Variants in LCT observed in about 807,000 individuals in gnomAD.
The protein encoded by LCT is lactase, also known as lactase/phlorizin hydrolase.
In LCT, 90 loss-of-function variants were observed where a neutral mutation model predicts 173.0. That is an observed-to-expected ratio of 0.52 (90% confidence interval 0.44 to 0.62). The LOEUF is 0.62. LCT is among the 20% of genes least tolerant of loss of function. The pLI, the probability that LCT is intolerant of heterozygous loss-of-function variation, is 0.00. For missense variants in LCT, 1,864 were observed against 2,431.4 expected, an observed-to-expected ratio of 0.77 and a Z score of 4.91; for synonymous variants, 853 against 957.6, an observed-to-expected ratio of 0.89 and a Z score of 2.02.
intron 10 of LCT, among the ~76,000 whole-genome samples, 179 bp downstream of exon 10, chr2:135,804,588 A>G (rs1446351530): frequency 1.3e-5 from 2 of 152,212 alleles, no homozygotes; most frequent in Non-Finnish European, 2.9e-5. Flanking sequence ...AGGCTGAGAA[A>G]CGAGATCCGC....
intron 11 of LCT, among the ~76,000 whole-genome samples, chr2:135,802,796 G>T (rs572043755): frequency 6.6e-6 from 1 of 152,254 alleles, no homozygotes; most frequent in Admixed American, 6.5e-5. Flanking sequence ...GTGATGTGTG[G>T]CACTGTAGAG....
At position 135,836,918 on chromosome 2, in the gene LCT, G is replaced by T; in HGVS notation, c.252C>A (p.Ile84=). Residue 84 remains isoleucine, a synonymous_variant, in exon 1 of 17, where the codon ATC becomes ATA. Transcript: ENST00000264162. ...ATGACAGAAATACCTTATAATGGGTGATCTGACTGGCATGGAGACTGCTGA... is the reference window on the plus strand; with the variant it reads ...ATGACAGAAATACCTTATAATGGGTTATCTGACTGGCATGGAGACTGCTGA... ...EYFSSLHASQ[I]THYKVFLSWA... The T allele has an allele frequency of 6.2e-7, 1 of 1,614,178 alleles. No individual in the cohort carries two copies. The highest frequency in any genetic ancestry group is 8.5e-7 in the Non-Finnish European group (1 of 1,180,030).
In LCT at chr2:135,836,710, A is replaced by G. The variant is rs1259199301; in HGVS notation, c.460T>C (p.Tyr154His). 2 of 1,614,228 alleles carry G rather than the reference A, an allele frequency of 1.2e-6. No individual in the cohort carries two copies. Among genetic ancestry groups the G allele is most frequent in the South Asian group, 2.2e-5 (2 of 91,080 alleles). ...AAGGAGTGGAAGGCGAATGTGGCAT[A>G]GTCGGCGAAGAGGTCAGCAAAGGCT... is the stretch of plus-strand genomic sequence containing the variant. ...TEAFADLFAD[Y>H]ATFAFHSFGD... The change falls in exon 1 of 17, where the codon TAT (tyrosine) becomes CAT (histidine). Residue 154 changes from tyrosine (Y) to histidine (H), a missense_variant. Coordinates refer to ENST00000264162, the MANE Select transcript of LCT (RefSeq NM_002299.4).
At chr2:135,825,154 G>A (rs2077875556) in intron 3 of LCT, among the ~76,000 whole-genome samples, 1 of 151,938 alleles carries the variant, frequency 6.6e-6, no homozygotes, top group Non-Finnish European at 1.5e-5. Context: ...CTTTTTTGCG[G>A]GGCTTGGAGT....
rs759110561 is a variant in LCT at position 135,812,709 on chromosome 2, A to T, written c.1955T>A (p.Met652Lys). The T allele has an allele frequency of 5.6e-6, 9 of 1,614,198 alleles. No homozygotes were observed. The highest frequency in any genetic ancestry group is 7.6e-6 in the Non-Finnish European group (9 of 1,180,038). ...PATLRTQIQQ[M>K]NRQCSHPVAQ... ...CACAGGATGGGAGCACTGTCTGTTC[A>T]TCTGTTGGATCTGGGTCCTCAGGGT... Residue 652 changes from methionine (M) to lysine (K), a missense_variant, in exon 7 of 17, where the codon ATG (methionine) becomes AAG (lysine). By Grantham distance (95) the Met-to-Lys change is moderately conservative. Transcript: ENST00000264162.
chr2:135,803,111 C>CA (rs946588493), intron 11 of LCT, among the ~76,000 whole-genome samples: 9 of 151,276 alleles, frequency 5.9e-5, no homozygotes, highest in East Asian at 1.9e-4. Context: ...GACTCTGTCT[C>CA]AAAAAAATAA....
intron 1 of LCT, among the ~76,000 whole-genome samples, chr2:135,835,976 GTATATATA>G (rs745860913): frequency 2.5e-4 from 20 of 80,480 alleles, no homozygotes; most frequent in Admixed American, 1.6e-4. Flanking sequence ...ATACATGTGT[GTATATATA>G]TATATATATA....
chr2:135,836,429 G>T, intron 1 of LCT, 101 bp downstream of exon 1: 1 of 1,060,188 alleles, frequency 9.4e-7, no homozygotes, highest in Non-Finnish European at 1.5e-6. Flanking sequence ...GAGGACTGCT[G>T]AAGGTGAGTT....
Position 135,809,226 on chromosome 2 carries a change from A to C in LCT, c.3121T>G (p.Leu1041Val), listed in dbSNP as rs1380323630. 3.1e-6 allele frequency: 5 copies of C among 1,614,122 alleles called. No homozygotes were observed. The highest frequency in any genetic ancestry group is 4.2e-6 in the Non-Finnish European group (5 of 1,180,050). Residue 1041 changes from leucine to valine, a missense_variant, in exon 8 of 17, where the codon TTG (leucine) becomes GTG (valine). Around this residue, in one of 4 missense-constraint regions of LCT, gnomAD observed 755 missense variants for 926.3 expected, o/e 0.82. Transcript: ENST00000264162. The surrounding 1 kb of genome is among the most constrained non-coding windows in gnomAD (Gnocchi z 5.5). ...CAAAAGTCTGCGTAGCTGTCAAACA[A>C]GTCAATCAAGGCAGGATTCTCCCAG... ...GGWENPALID[L>V]FDSYADFCFQ...
At position 135,787,948 on chromosome 2, in the gene LCT, T is replaced by G; in HGVS notation, c.*376A>C. The G allele has an allele frequency of 3.4e-6, 1 of 292,578 alleles. No homozygotes were observed. The highest frequency in any genetic ancestry group is 8.7e-5 in the East Asian group (1 of 11,546). The allele number at this position is 292,578 out of a possible 1,614,324, so 18.1% of individuals were successfully genotyped here. On this transcript the variant is annotated 3_prime_UTR_variant, in exon 17 of 17. Coordinates refer to ENST00000264162, the MANE Select transcript of LCT (RefSeq NM_002299.4). The stretch of plus-strand genomic sequence containing the variant: ...TGATATTGCAGTCTATGCAATGGAG[T>G]TGATTTCTTCTTATAGGAAGGATTT...
At chr2:135,832,955 G>T (rs886111157) in intron 2 of LCT, among the ~76,000 whole-genome samples, 156 bp downstream of exon 2, 7 of 152,114 alleles carry the variant, frequency 4.6e-5, no homozygotes, top group Non-Finnish European at 1.0e-4. Flanking sequence ...TCAAGATTTT[G>T]TTTTTAAGGT....
chr2:135,830,232 C>T (rs2077924811), intron 2 of LCT, among the ~76,000 whole-genome samples: 1 of 152,146 alleles, frequency 6.6e-6, no homozygotes, highest in African/African-American at 2.4e-5. Context: ...TGGGGACTTC[C>T]TCTTTAGCAG....
intron 5 of LCT, among the ~76,000 whole-genome samples, chr2:135,819,007 T>C (rs892715): frequency 0.51 from 77,770 of 152,010 alleles, 24,079 homozygotes; most frequent in Non-Finnish European, 0.71. Context: ...CAAGCATCCA[T>C]CCTGAACCAT....
At chr2:135,834,037 T>C (rs1275209631) in intron 1 of LCT, among the ~76,000 whole-genome samples, 4 of 152,228 alleles carry the variant, frequency 2.6e-5, no homozygotes, top group African/African-American at 7.2e-5. Context: ...TTGTAGCATG[T>C]GATGATTTCT....
intron 3 of LCT, 150 bp from the exon 4 acceptor site, chr2:135,824,153 T>C: frequency 1.4e-6 from 1 of 694,018 alleles, no homozygotes; most frequent in Non-Finnish European, 2.6e-6. Context: ...GAGTCAACTC[T>C]AGACTCTGAA....
rs1196903250 is a variant in LCT, at chr2:135,809,611, G to A, written c.2736C>T (p.Ser912=). ...CGCCTTCAATCTGATAAGCGGAAGA[G>A]GACACGCCCCACAGAAAGTCATCCC... The part of the protein sequence containing the change: ...TFRDDFLWGV[S]SSAYQIEGAW... Residue 912 remains serine, a synonymous_variant, in exon 8 of 17, where the codon TCC becomes TCT. Coordinates refer to ENST00000264162, the MANE Select transcript of LCT (RefSeq NM_002299.4). The surrounding 1 kb of genome is among the most constrained non-coding windows in gnomAD (Gnocchi z 5.5). 4 of 1,614,098 alleles carry A rather than the reference G, an allele frequency of 2.5e-6. No individual in the cohort carries two copies. Among genetic ancestry groups the A allele is most frequent in the East Asian group, 4.5e-5 (2 of 44,894 alleles).
At position 135,833,044 on chromosome 2, in the gene LCT, T is replaced by C. The variant is rs2077952178; in HGVS notation, c.720+67A>G. 9 of 1,238,330 alleles carry C rather than the reference T, an allele frequency of 7.3e-6. No individual in the cohort carries two copies. In the South Asian group the frequency reaches 1.1e-4, roughly 15 times the overall value. 76.7% of individuals were successfully genotyped at this position (1,238,330 alleles called of 1,614,324 possible). A position where few individuals can be genotyped will look rare whatever the true frequency, so the allele number is the denominator to read the frequency against. On this transcript the variant is annotated intron_variant, in intron 2 of 16. Transcript: ENST00000264162. ...TCAAACCAATAGACCAAAACTTCTC[T>C]TGTTTTTAAAAAATTAAAATCAAAC...
In LCT at chr2:135,809,179, T is replaced by G; in HGVS notation, c.3168A>C (p.Arg1056Ser). 1 of 1,614,218 alleles carries G rather than the reference T, an allele frequency of 6.2e-7. No homozygotes were observed. Among genetic ancestry groups the G allele is most frequent in the Non-Finnish European group, 8.5e-7 (1 of 1,180,046 alleles). Residue 1056 changes from arginine to serine, a missense_variant, in exon 8 of 17, where the codon AGA becomes AGC. Physicochemically the swap from Arg to Ser is moderately radical, Grantham distance 110 (BLOSUM62 -1). Around this residue, in one of 4 missense-constraint regions of LCT, gnomAD observed 755 missense variants for 926.3 expected, o/e 0.82. Coordinates refer to ENST00000264162, the MANE Select transcript of LCT (RefSeq NM_002299.4). This position sits in a 1 kb window ranked among gnomAD's most constrained non-coding sequence, Gnocchi z 5.5. The stretch of plus-strand genomic sequence containing the variant: ...CATTAAAAGTCATCCAAAACTTGAC[T>G]CTATCACCAAAGGTCTGGAAACAAA... ...ADFCFQTFGD[R>S]VKFWMTFNEP...
intron 12 of LCT, among the ~76,000 whole-genome samples, chr2:135,800,353 G>A (rs1047180279): frequency 6.6e-5 from 10 of 152,072 alleles, no homozygotes; most frequent in Admixed American, 1.3e-4. Context: ...TTAGCCTCCT[G>A]AGCAGCTGGG....
Sources: allele counts gnomAD v4.1 joint callset (sites outside exome capture counted in the v4.1 genomes callset), GRCh38; gene constraint gnomAD v4.1.1; regional missense constraint gnomAD v4.1.1; non-coding constraint Gnocchi (gnomAD v3.1); transcripts MANE v1.5; gene names NCBI Gene and HGNC (gene_info 2026-07-23, HGNC 2026-07-21).